KCTD8: variants seen among roughly 807,000 people sequenced by gnomAD.
KCTD8 encodes BTB/POZ domain-containing protein KCTD8.
KCTD8 carries 27 observed loss-of-function variants against 31.5 expected under a neutral mutation model. The ratio of observed to expected loss-of-function variants is 0.86; its 90% CI spans 0.63 to 1.18. The LOEUF (loss-of-function observed/expected upper bound fraction) is 1.18, where lower values mean the gene tolerates loss of function less well. KCTD8 is among the 50% of genes most tolerant of loss of function. The pLI, the probability that KCTD8 is intolerant of heterozygous loss-of-function variation, is 0.00. For missense variants in KCTD8, 658 were observed against 647.7 expected (o/e 1.02, Z -0.17); for synonymous variants, 290 against 280.0 (o/e 1.04, Z -0.36).
intron 1 of KCTD8, among the ~76,000 whole-genome samples, chr4:44,348,927 T>C (rs995390374): frequency 1.3e-4 from 20 of 152,152 alleles, no homozygotes; most frequent in Non-Finnish European, 2.1e-4. Context: ...TTTTTTCTGA[T>C]TTTTTTCCTC....
intron 1 of KCTD8, among the ~76,000 whole-genome samples, chr4:44,357,323 C>G (rs906268019): frequency 6.6e-6 from 1 of 152,118 alleles, no homozygotes; most frequent in Admixed American, 6.6e-5. Context: ...TCCTTTTCTC[C>G]CTTCTCTTCC....
At position 44,448,201 on chromosome 4, in the gene KCTD8, T is replaced by C; in HGVS notation, c.323A>G (p.Tyr108Cys). The C allele has an allele frequency of 6.2e-7, 1 of 1,612,430 alleles. No individual in the cohort carries two copies. The highest frequency in any genetic ancestry group is 8.5e-7 in the Non-Finnish European group (1 of 1,179,698). Residue 108 changes from tyrosine (Y) to cysteine (C), a missense_variant, in exon 1 of 2, where the codon TAC becomes TGC. Tyr to Cys is a radical substitution (Grantham distance 194). Coordinates refer to ENST00000360029, the MANE Select transcript of KCTD8 (RefSeq NM_198353.3). The surrounding 1 kb of genome is among the most constrained non-coding windows in gnomAD (Gnocchi z 4.1). ...FIDRDGFLFR[Y>C]VLDYLRDKQL... ...CTTGTCCCGCAGATAATCCAGCACG[T>C]ACCTGAAAAGGAAGCCGTCCCGGTC...
chr4:44,214,441 G>A (rs911351292), intron 1 of KCTD8, among the ~76,000 whole-genome samples: 2 of 152,174 alleles, frequency 1.3e-5, no homozygotes, highest in African/African-American at 4.8e-5. Context: ...TCTGCTTAAA[G>A]AGGAAACCAC....
intron 1 of KCTD8, among the ~76,000 whole-genome samples, chr4:44,327,780 G>C (rs983950939): frequency 2.6e-5 from 4 of 151,694 alleles, no homozygotes; most frequent in African/African-American, 9.7e-5. Flanking sequence ...CCCATCTATT[G>C]AATGGAGGCA....
At chr4:44,380,415 C>A (rs1259254050) in intron 1 of KCTD8, among the ~76,000 whole-genome samples, 1 of 145,350 alleles carries the variant, frequency 6.9e-6, no homozygotes, top group Non-Finnish European at 1.5e-5. Flanking sequence ...GAGACTCCAT[C>A]TCAAAAAAAA....
chr4:44,269,292 G>A (rs1488537826), intron 1 of KCTD8, among the ~76,000 whole-genome samples: 1 of 152,142 alleles, frequency 6.6e-6, no homozygotes, highest in South Asian at 2.1e-4. Flanking sequence ...AATGGGGAAA[G>A]GATTTCCTAT....
intron 1 of KCTD8, among the ~76,000 whole-genome samples, chr4:44,379,579 C>T (rs1720007335): frequency 6.6e-6 from 1 of 152,020 alleles, no homozygotes; most frequent in African/African-American, 2.4e-5. Flanking sequence ...TGGTTAAGCA[C>T]ACATGCACAT....
At chr4:44,245,722 A>G (rs1248558219) in intron 1 of KCTD8, among the ~76,000 whole-genome samples, 1 of 152,022 alleles carries the variant, frequency 6.6e-6, no homozygotes, top group African/African-American at 2.4e-5. Context: ...TAAATTTAAC[A>G]TAATTAGCAT....
At chr4:44,192,475 TACACACACACACAC>T (rs34405384) in intron 1 of KCTD8, among the ~76,000 whole-genome samples, 233 of 137,188 alleles carry the variant, frequency 1.7e-3, no homozygotes, top group African/African-American at 5.4e-3. Flanking sequence ...TAAGCAAAGA[TACACACACACACAC>T]ACACACACAC....
At chr4:44,194,793 C>G (rs1481616425) in intron 1 of KCTD8, among the ~76,000 whole-genome samples, 1 of 72,840 alleles carries the variant, frequency 1.4e-5, no homozygotes, top group Non-Finnish European at 2.7e-5. Flanking sequence ...CCCTCCCTCC[C>G]TCCCTCCCTC....
At chr4:44,361,151 C>T (rs1201620305) in intron 1 of KCTD8, among the ~76,000 whole-genome samples, 1 of 151,898 alleles carries the variant, frequency 6.6e-6, no homozygotes, top group Non-Finnish European at 1.5e-5. Context: ...GTTCATTTAC[C>T]ACATTCATTG....
chr4:44,345,433 C>T (rs1226900399), intron 1 of KCTD8, among the ~76,000 whole-genome samples: 2 of 151,926 alleles, frequency 1.3e-5, no homozygotes, highest in Non-Finnish European at 2.9e-5. Context: ...AAATGAAGAA[C>T]TGGTAAAATA....
intron 1 of KCTD8, among the ~76,000 whole-genome samples, chr4:44,307,688 G>C (rs1438843179): frequency 6.6e-6 from 1 of 151,788 alleles, no homozygotes; most frequent in Non-Finnish European, 1.5e-5. Flanking sequence ...CAAACCACAA[G>C]AGAAAATACT....
intron 1 of KCTD8, among the ~76,000 whole-genome samples, chr4:44,197,285 G>A (rs889715382): frequency 1.3e-5 from 2 of 152,058 alleles, no homozygotes; most frequent in Non-Finnish European, 2.9e-5. Flanking sequence ...GCAAGTCCAG[G>A]AAGTGTACAG....
In KCTD8 at chr4:44,316,965, G is replaced by A. The variant is rs888845009; in HGVS notation, c.961+130598C>T. On this transcript the variant is annotated intron_variant, in intron 1 of 1. Transcript: ENST00000360029. The stretch of plus-strand genomic sequence containing the variant: ...TGCACTCCAGCCTGGGCAACAGAGC[G>A]AGACTCCATCTCAGCAACAACAACA... 4.6e-5 allele frequency among the ~76,000 whole-genome samples: 7 copies of A among 150,638 alleles called. No homozygotes were observed. In the East Asian group the frequency reaches 5.9e-4, roughly 13 times the overall value.
intron 1 of KCTD8, among the ~76,000 whole-genome samples, chr4:44,370,683 C>T (rs1464694542): frequency 6.6e-6 from 1 of 152,114 alleles, no homozygotes; most frequent in Non-Finnish European, 1.5e-5. Context: ...TAAGCAAAAA[C>T]TTCCCAGAAA....
chr4:44,212,695 C>A (rs1714525613), intron 1 of KCTD8, among the ~76,000 whole-genome samples: 1 of 152,038 alleles, frequency 6.6e-6, no homozygotes, highest in South Asian at 2.1e-4. Flanking sequence ...TTTTTCCATT[C>A]TTTTACACTC....
At chr4:44,446,149 AC>A (rs551612892) in intron 1 of KCTD8, among the ~76,000 whole-genome samples, 21 of 152,182 alleles carry the variant, frequency 1.4e-4, no homozygotes, top group Non-Finnish European at 2.5e-4. Flanking sequence ...GTGGTTTGTC[AC>A]CCAACTTCCA....
intron 1 of KCTD8, among the ~76,000 whole-genome samples, chr4:44,247,810 AG>A (rs1209644607): frequency 6.6e-6 from 1 of 151,896 alleles, no homozygotes; most frequent in Non-Finnish European, 1.5e-5. Context: ...TTCATTTTTA[AG>A]GCATATATAT....
Sources: allele counts gnomAD v4.1 joint callset (sites outside exome capture counted in the v4.1 genomes callset), GRCh38; gene constraint gnomAD v4.1.1; non-coding constraint Gnocchi (gnomAD v3.1); transcripts MANE v1.5; gene names NCBI Gene and HGNC (gene_info 2026-07-23, HGNC 2026-07-21).